Variants in PPP2R2D observed in about 807,000 individuals in gnomAD.
PPP2R2D encodes serine/threonine-protein phosphatase 2A 55 kDa regulatory subunit B delta isoform.
A neutral mutation model predicts 31.1 loss-of-function variants in PPP2R2D; 9 were observed. The observed-to-expected ratio is 0.29, with a 90% confidence interval of 0.17 to 0.51. PPP2R2D has a LOEUF of 0.51. Among genes scored for constraint, PPP2R2D ranks in the 20% least tolerant of loss-of-function variants. PPP2R2D has a pLI of 0.98. For synonymous variants in PPP2R2D, 179 were observed against 172.6 expected, an observed-to-expected ratio of 1.04 and a Z score of -0.29; for missense variants, 391 against 465.6, an observed-to-expected ratio of 0.84 and a Z score of 1.48.
intron 2 of PPP2R2D, among the ~76,000 whole-genome samples, chr10:131,925,558 A>G (rs782241097): frequency 1.3e-5 from 2 of 152,128 alleles, no homozygotes; most frequent in African/African-American, 4.8e-5. Context: ...GTTCTTTCTG[A>G]CTTCTGTATT....
intron 3 of PPP2R2D, among the ~76,000 whole-genome samples, chr10:131,935,851 G>A (rs1324880313): frequency 6.6e-6 from 1 of 152,066 alleles, no homozygotes; most frequent in Non-Finnish European, 1.5e-5. Context: ...ATCACCTGAG[G>A]TCGGAAGTTC....
At chr10:131,913,947 GAC>G (rs1215430483) in intron 2 of PPP2R2D, among the ~76,000 whole-genome samples, 3 of 152,212 alleles carry the variant, frequency 2.0e-5, no homozygotes, top group Non-Finnish European at 4.4e-5. Flanking sequence ...GCCGTGTGAA[GAC>G]ACAGGCTGTG....
chr10:131,921,282 A>T (rs1420381324), intron 2 of PPP2R2D, among the ~76,000 whole-genome samples: 4 of 152,170 alleles, frequency 2.6e-5, no homozygotes, highest in Admixed American at 6.5e-5. Context: ...GCAGGGAGTG[A>T]CCGGGGGAAT....
chr10:131,939,919 A>AT (rs1418031549), intron 3 of PPP2R2D, 112 bp from the exon 4 acceptor site: 1 of 387,440 alleles, frequency 2.6e-6, no homozygotes, highest in Non-Finnish European at 4.6e-6. Context: ...TTGAGCCAGG[A>AT]TTTTTTAGCT....
chr10:131,937,400 A>G lies in PPP2R2D; in HGVS notation c.199-2631A>G, dbSNP rs370618234. The stretch of plus-strand genomic sequence containing the variant: ...CAGGAATCAGGTGAAATCAGAAATC[A>G]GCACGTCCAAAAAGAGAAGGTGCTC... On this transcript the variant is annotated intron_variant, in intron 3 of 8. Coordinates refer to ENST00000455566, the MANE Select transcript of PPP2R2D (RefSeq NM_018461.5). Among the ~76,000 whole-genome samples, 30 of 152,318 alleles carry G rather than the reference A, an allele frequency of 2.0e-4. 1 individual carries two copies. The East Asian group carries it at 5.2e-3, about 26-fold the overall frequency.
At chr10:131,927,452 T>C (rs1481645362) in intron 2 of PPP2R2D, among the ~76,000 whole-genome samples, 2 of 152,076 alleles carry the variant, frequency 1.3e-5, no homozygotes, top group Non-Finnish European at 2.9e-5. Flanking sequence ...GCCCAGAGCT[T>C]GGCGGCGGTG....
At chr10:131,937,016 G>C (rs1415295423) in intron 3 of PPP2R2D, among the ~76,000 whole-genome samples, 1 of 152,250 alleles carries the variant, frequency 6.6e-6, no homozygotes, top group Non-Finnish European at 1.5e-5. Flanking sequence ...GGGTGAAGCT[G>C]CTGCCCATCA....
chr10:131,912,056 G>A (rs1016334317), intron 2 of PPP2R2D: 22 of 152,108 alleles, frequency 1.4e-4, no homozygotes, highest in Non-Finnish European at 2.9e-4. Flanking sequence ...TTTTCTATGT[G>A]TTTATTTATT....
At chr10:131,961,380 C>T (rs1554901443), downstream of PPP2R2D, among the ~76,000 whole-genome samples, 2 of 152,152 alleles carry the variant, frequency 1.3e-5, no homozygotes, top group Non-Finnish European at 1.5e-5. Flanking sequence ...ACAGCTCAGG[C>T]CCTGCAGAGC....
Position 131,956,529 on chromosome 10 carries a change from A to G in PPP2R2D, c.*566A>G, listed in dbSNP as rs2036803759. On this transcript the variant is annotated 3_prime_UTR_variant, in exon 9 of 9. Transcript: ENST00000455566. ...GAGCGCTCAATAAAAACAACACACT[A>G]TAAAGTGTTTTTAAATCCAAACAGA... 3.0e-6 allele frequency: 3 copies of G among 985,446 alleles called. No individual in the cohort carries two copies. Among genetic ancestry groups the G allele is most frequent in the African/African-American group, 3.5e-5 (2 of 57,364 alleles). The allele number at this position is 985,446 out of a possible 1,614,324, so 61.0% of individuals were successfully genotyped here. A position where few individuals can be genotyped will look rare whatever the true frequency, so the allele number is the denominator to read the frequency against.
intron 2 of PPP2R2D, among the ~76,000 whole-genome samples, chr10:131,908,456 T>C (rs1159323478): frequency 1.3e-5 from 2 of 152,202 alleles, no homozygotes; most frequent in Non-Finnish European, 1.5e-5. Context: ...GTTTAGCAAT[T>C]GGCTGTGTCC....
chr10:131,970,480 T>C, the PPP2R2D span: 1 of 1,122,460 alleles, frequency 8.9e-7, no homozygotes, highest in Non-Finnish European at 1.2e-6. This position sits in a 1 kb window ranked among gnomAD's most constrained non-coding sequence, Gnocchi z 4.1. Context: ...AGGCTGGTGG[T>C]TTCTGGACCT....
chr10:131,937,045 T>A (rs1475792751), intron 3 of PPP2R2D, among the ~76,000 whole-genome samples: 1 of 152,146 alleles, frequency 6.6e-6, no homozygotes, highest in Non-Finnish European at 1.5e-5. Flanking sequence ...CAGCTCCCAG[T>A]TAGAAGCTGC....
chr10:131,926,314 GCTT>G (rs2036104428), intron 2 of PPP2R2D, among the ~76,000 whole-genome samples: 1 of 152,102 alleles, frequency 6.6e-6, no homozygotes, highest in African/African-American at 2.4e-5. Flanking sequence ...CTTTGGGTGA[GCTT>G]CTTTGAAAAG....
chr10:131,915,676 C>T (rs1433619769), intron 2 of PPP2R2D, among the ~76,000 whole-genome samples: 1 of 152,198 alleles, frequency 6.6e-6, no homozygotes, highest in Non-Finnish European at 1.5e-5. Flanking sequence ...TGGGGAATTG[C>T]AGCTCTGCCG....
chr10:131,930,890 GTCTT>G (rs2036209161), intron 2 of PPP2R2D, among the ~76,000 whole-genome samples: 1 of 152,172 alleles, frequency 6.6e-6, no homozygotes, highest in South Asian at 2.1e-4. Flanking sequence ...TGTCATCCAT[GTCTT>G]TCTTTCCACT....
chr10:131,962,304 G>A (rs1164906675), downstream of PPP2R2D, among the ~76,000 whole-genome samples: 2 of 152,042 alleles, frequency 1.3e-5, no homozygotes, highest in Non-Finnish European at 2.9e-5. Flanking sequence ...GGTGAGGGGC[G>A]GTCCAGTCCT....
intron 2 of PPP2R2D, among the ~76,000 whole-genome samples, chr10:131,921,760 A>G (rs1296996477): frequency 4.6e-5 from 7 of 152,066 alleles, no homozygotes; most frequent in African/African-American, 1.7e-4. Flanking sequence ...TATGTTGGTG[A>G]TTGTGTCAGA....
At chr10:131,910,566 T>C (rs1298858518) in intron 2 of PPP2R2D, among the ~76,000 whole-genome samples, 1 of 152,148 alleles carries the variant, frequency 6.6e-6, no homozygotes, top group Non-Finnish European at 1.5e-5. Context: ...ATAACCAAAG[T>C]TGGTCAGTTG....
Sources: allele counts gnomAD v4.1 joint callset (sites outside exome capture counted in the v4.1 genomes callset), GRCh38; gene constraint gnomAD v4.1.1; non-coding constraint Gnocchi (gnomAD v3.1); transcripts MANE v1.5; gene names NCBI Gene and HGNC (gene_info 2026-07-23, HGNC 2026-07-21).